The following SRSF12 variants were observed in gnomAD, a reference collection of about 807,000 sequenced individuals.
SRSF12 encodes the protein serine and arginine rich splicing factor 12, also known as serine/arginine-rich splicing factor 12.
A neutral mutation model predicts 34.1 loss-of-function variants in SRSF12; 21 were observed. The observed-to-expected ratio is 0.62, with a 90% CI of 0.44 to 0.89. The LOEUF (loss-of-function observed/expected upper bound fraction) is 0.89, where lower values mean the gene tolerates loss of function less well. Among genes scored for constraint, SRSF12 ranks in the 40% least tolerant of loss-of-function variants. The pLI is 0.00. For missense variants in SRSF12, 278 were observed against 327.8 expected (o/e 0.85, Z 1.17); for synonymous variants, 111 against 110.8 (o/e 1.00, Z -0.01).
At position 89,105,656 on chromosome 6, in the gene SRSF12, T is replaced by C. The variant is rs1002549449; in HGVS notation, c.171-126A>G. On this transcript the variant is annotated intron_variant, in intron 2 of 4. Coordinates refer to ENST00000452027, the MANE Select transcript of SRSF12 (RefSeq NM_080743.5). ...CAAGTTATTAAGCTCACATCTTCAA[T>C]ATAATATGAATAATCAGAAAAAAAA... The C allele has an allele frequency of 2.8e-5, 18 of 637,756 alleles. No homozygotes were observed. In the African/African-American group the frequency reaches 3.4e-4, roughly 12 times the overall value. 39.5% of individuals were successfully genotyped at this position (637,756 alleles called of 1,614,324 possible).
chr6:89,100,668 A>G (rs149375940), intron 4 of SRSF12, among the ~76,000 whole-genome samples: 3,064 of 152,328 alleles, frequency 0.02, 56 homozygotes, highest in Non-Finnish European at 0.035. Context: ...AATAAGAGGA[A>G]AAGACAAAAC....
intron 1 of SRSF12, among the ~76,000 whole-genome samples, chr6:89,116,381 AG>A (rs997532114): frequency 1.3e-5 from 2 of 152,244 alleles, no homozygotes; most frequent in Non-Finnish European, 2.9e-5. Context: ...ATTGATAAAA[AG>A]GCTGACAGAA....
At chr6:89,100,725 CAAAT>C (rs1768502400) in intron 4 of SRSF12, among the ~76,000 whole-genome samples, 3 of 151,966 alleles carry the variant, frequency 2.0e-5, no homozygotes, top group Admixed American at 1.3e-4. Flanking sequence ...TAAAAAGAAA[CAAAT>C]AGACATTTAA....
At chr6:89,105,291 A>G (rs1582261701) in intron 3 of SRSF12, 31 bp from the exon 4 acceptor site, 1 of 1,586,890 alleles carries the variant, frequency 6.3e-7, no homozygotes, top group Non-Finnish European at 8.6e-7. Flanking sequence ...CTTATGACAT[A>G]ATTCGTTACC....
intron 4 of SRSF12, among the ~76,000 whole-genome samples, chr6:89,103,022 C>T (rs1023277651): frequency 6.6e-6 from 1 of 152,162 alleles, no homozygotes; most frequent in Non-Finnish European, 1.5e-5. Context: ...CCCTGGCCTC[C>T]CAGAGTGCTG....
intron 2 of SRSF12, chr6:89,106,925 G>A (rs757524290): frequency 4.8e-5 from 27 of 559,524 alleles, no homozygotes; most frequent in Admixed American, 4.4e-4. Context: ...TTGAACTTTA[G>A]GTGCCTTTTG....
Position 89,099,445 on chromosome 6 carries a change from T to TATATATGTGTGTATATATACACACAC in SRSF12, c.417-499_417-498insGTGTGTGTATATATACACACATATAT, listed in dbSNP as rs1562192041. Among the ~76,000 whole-genome samples, 388 of 91,190 alleles carry TATATATGTGTGTATATATACACACAC rather than the reference T, an allele frequency of 4.3e-3. 8 individuals are homozygous for TATATATGTGTGTATATATACACACAC. Among genetic ancestry groups the TATATATGTGTGTATATATACACACAC allele is most frequent in the African/African-American group, 0.013 (347 of 26,826 alleles). 59.8% of individuals were successfully genotyped at this position (91,190 alleles called of 152,430 possible). On this transcript the variant is annotated intron_variant, in intron 4 of 4. Coordinates refer to ENST00000452027, the MANE Select transcript of SRSF12 (RefSeq NM_080743.5). The stretch of plus-strand genomic sequence containing the variant: ...ATATATGTGTGTATATATATACACA[T>TATATATGTGTGTATATATACACACAC]ATATATGTGTGTATATATGTGTGTG...
chr6:89,116,767 C>CT (rs1181898292), intron 1 of SRSF12, among the ~76,000 whole-genome samples: 1 of 132,146 alleles, frequency 7.6e-6, no homozygotes, highest in Non-Finnish European at 1.6e-5. Context: ...AAGAGCGAGA[C>CT]TTTGTCTAAA....
At chr6:89,115,631 CT>C (rs760005395) in intron 1 of SRSF12, among the ~76,000 whole-genome samples, 6,802 of 128,208 alleles carry the variant, frequency 0.053, 169 homozygotes, top group African/African-American at 0.12. Flanking sequence ...TTTTTTCTTT[CT>C]TTTTTTTTTT....
At chr6:89,111,592 A>T (rs1412417569) in intron 1 of SRSF12, among the ~76,000 whole-genome samples, 2 of 152,050 alleles carry the variant, frequency 1.3e-5, no homozygotes, top group Admixed American at 6.6e-5. Flanking sequence ...GTCACCTAAG[A>T]ATGGTTACTT....
intron 4 of SRSF12, among the ~76,000 whole-genome samples, chr6:89,102,607 C>T (rs1048468665): frequency 2.0e-5 from 3 of 151,664 alleles, no homozygotes; most frequent in South Asian, 2.1e-4. Context: ...AAAAGAAGGA[C>T]GCTATAATAT....
At chr6:89,117,330 GA>G (rs1229210809) in intron 1 of SRSF12, among the ~76,000 whole-genome samples, 7 of 152,212 alleles carry the variant, frequency 4.6e-5, no homozygotes, top group African/African-American at 1.7e-4. Context: ...AGAACTGGGG[GA>G]AAGAAACTGT....
intron 4 of SRSF12, among the ~76,000 whole-genome samples, chr6:89,101,111 A>G (rs1768521353): frequency 7.8e-6 from 1 of 128,896 alleles, no homozygotes; most frequent in African/African-American, 4.0e-5. Context: ...CTCCAAGACA[A>G]AAAAAAAAAA....
intron 1 of SRSF12, among the ~76,000 whole-genome samples, chr6:89,108,664 G>A (rs1175647138): frequency 6.6e-6 from 1 of 152,176 alleles, no homozygotes; most frequent in African/African-American, 2.4e-5. Context: ...AATTAGAAGA[G>A]AGCTAGATCA....
chr6:89,112,132 C>T (rs554747474), intron 1 of SRSF12, among the ~76,000 whole-genome samples: 16 of 152,062 alleles, frequency 1.1e-4, no homozygotes, highest in African/African-American at 3.6e-4. Context: ...CTCAGCCTGC[C>T]GAGTAGCTGG....
chr6:89,117,816 C>T lies in SRSF12; in HGVS notation c.65+7G>A, dbSNP rs995362902. 9.7e-6 allele frequency: 15 copies of T among 1,551,608 alleles called. No homozygotes were observed. Among genetic ancestry groups the T allele is most frequent in the Non-Finnish European group, 1.3e-5 (15 of 1,152,100 alleles). On this transcript the variant is annotated splice_region_variant and intron_variant, in intron 1 of 4. Coordinates refer to ENST00000452027, the MANE Select transcript of SRSF12 (RefSeq NM_080743.5). The stretch of plus-strand genomic sequence containing the variant: ...CGCGCCCCCAACCTGCAGCCGCGGC[C>T]GTTCACCTGGTGGCGTCCGCGACGT...
At chr6:89,104,222 CCTTTTTTT>C (rs2127992023) in intron 4 of SRSF12, among the ~76,000 whole-genome samples, 1 of 77,726 alleles carries the variant, frequency 1.3e-5, no homozygotes, top group Admixed American at 1.4e-4. Flanking sequence ...AAACTCATCA[CCTTTTTTT>C]TTTTTTTTTT....
chr6:89,098,719 T>C lies in SRSF12; in HGVS notation c.645A>G (p.Arg215=). 1 of 1,614,006 alleles carries C rather than the reference T, an allele frequency of 6.2e-7. No individual in the cohort carries two copies. Among genetic ancestry groups the C allele is most frequent in the East Asian group, 2.2e-5 (1 of 44,882 alleles). ...GGGATCTTGCTATTGAGTCAGAATG[T>C]CTTCCATGTGATCTTGATTTTGTTC... The part of the protein sequence containing the change: ...SSGTKSRSHG[R]HSDSIARSPC... Residue 215 remains arginine (R), a synonymous_variant, in exon 5 of 5, where the codon AGA becomes AGG. Transcript: ENST00000452027.
At chr6:89,108,664 G>C (rs1175647138) in intron 1 of SRSF12, among the ~76,000 whole-genome samples, 1 of 152,176 alleles carries the variant, frequency 6.6e-6, no homozygotes, top group Non-Finnish European at 1.5e-5. Flanking sequence ...AATTAGAAGA[G>C]AGCTAGATCA....
Sources: gnomAD v4.1 joint callset for allele counts (sites outside exome capture counted in the v4.1 genomes callset) on GRCh38, gnomAD v4.1.1 for gene constraint, MANE v1.5 for transcripts, NCBI Gene and HGNC (gene_info 2026-07-23, HGNC 2026-07-21) for gene names.